The following ARHGEF9 variants were observed in gnomAD, a reference collection of about 807,000 sequenced individuals.
ARHGEF9 encodes Cdc42 guanine nucleotide exchange factor 9.
In ARHGEF9, 2 loss-of-function variants were observed where a neutral mutation model predicts 41.3. The observed-to-expected ratio is 0.05, with a 90% CI of 0.02 to 0.15. The LOEUF (loss-of-function observed/expected upper bound fraction) is 0.15. Among genes scored for constraint, ARHGEF9 ranks in the 10% least tolerant of loss-of-function variants. The pLI is 1.00. For missense variants in ARHGEF9, 225 were observed against 424.7 expected (o/e 0.53, Z 4.13); for synonymous variants, 160 against 154.4 (o/e 1.04, Z -0.27).
intron 8 of ARHGEF9, among the ~76,000 whole-genome samples, chrX:63,645,550 A>C (rs1234886753): frequency 8.9e-6 from 1 of 111,797 alleles, no homozygotes; most frequent in Non-Finnish European, 1.9e-5. Flanking sequence ...CCTACAAAGG[A>C]CATGAACTCA....
chrX:63,697,455 G>T, intron 3 of ARHGEF9, 151 bp from the exon 4 acceptor site: 1 of 520,482 alleles, frequency 1.9e-6, no homozygotes, highest in Admixed American at 3.5e-5. Flanking sequence ...GAGGTTTACA[G>T]AAGGAAGTCA....
At chrX:63,781,177 C>T (rs1206881449) in intron 1 of ARHGEF9, among the ~76,000 whole-genome samples, 4 of 110,911 alleles carry the variant, frequency 3.6e-5, no homozygotes, top group East Asian at 5.6e-4. Flanking sequence ...TTGTTTTCCT[C>T]GGTAATTGAA....
intron 6 of ARHGEF9, among the ~76,000 whole-genome samples, chrX:63,669,215 T>G (rs2049786667): frequency 9.0e-6 from 1 of 111,393 alleles, no homozygotes; most frequent in African/African-American, 3.3e-5. Context: ...ATAACACATC[T>G]CTTTGTCTTG....
intron 8 of ARHGEF9, among the ~76,000 whole-genome samples, chrX:63,646,125 A>G (rs1251245701): frequency 4.5e-5 from 5 of 111,422 alleles, no homozygotes; most frequent in African/African-American, 1.6e-4. Flanking sequence ...GATTCTGGAT[A>G]TTAGGCCTTT....
chrX:63,711,094 T>A (rs1299729634), intron 2 of ARHGEF9, among the ~76,000 whole-genome samples: 1 of 111,608 alleles, frequency 9.0e-6, no homozygotes, highest in Non-Finnish European at 1.9e-5. Context: ...TACATAGGAA[T>A]AAATTTAACA....
chrX:63,725,597 G>C (rs781822124), intron 1 of ARHGEF9: 1 of 101,181 alleles, frequency 9.9e-6, no homozygotes, highest in Admixed American at 1.1e-4. Flanking sequence ...CCAGCAAACA[G>C]ACATTCATGA....
intron 1 of ARHGEF9, among the ~76,000 whole-genome samples, chrX:63,765,396 T>A (rs1478048612): frequency 4.1e-4 from 45 of 109,364 alleles, no homozygotes; most frequent in Non-Finnish European, 8.2e-4. Flanking sequence ...ATAAAAAAAA[T>A]TAAAAAAAAA....
chrX:63,784,275 C>A (rs781885218), intron 1 of ARHGEF9, among the ~76,000 whole-genome samples: 1 of 112,431 alleles, frequency 8.9e-6, no homozygotes, highest in Non-Finnish European at 1.9e-5. Flanking sequence ...CTGCTCCTGG[C>A]TAAGTCAGAG....
At chrX:63,778,694 T>G (rs1260083476) in intron 1 of ARHGEF9, among the ~76,000 whole-genome samples, 2 of 112,507 alleles carry the variant, frequency 1.8e-5, no homozygotes, top group East Asian at 5.6e-4. Context: ...TTGAATGCTT[T>G]GCTGCTTTGA....
intron 3 of ARHGEF9, among the ~76,000 whole-genome samples, chrX:63,699,814 T>C (rs2052026655): frequency 1.8e-5 from 2 of 111,985 alleles, no homozygotes; most frequent in African/African-American, 6.5e-5. Context: ...ACATGGAAAA[T>C]TGTTTATGAT....
At chrX:63,646,831 T>A (rs1243879912) in intron 8 of ARHGEF9, among the ~76,000 whole-genome samples, 1 of 110,288 alleles carries the variant, frequency 9.1e-6, no homozygotes, top group African/African-American at 3.3e-5. Context: ...AGTATGGCCA[T>A]TTTCACAATA....
intron 1 of ARHGEF9, chrX:63,727,168 G>A (rs1445526039): frequency 8.9e-6 from 1 of 111,791 alleles, no homozygotes; most frequent in African/African-American, 3.3e-5. Flanking sequence ...GGGTCAAAGA[G>A]TATCTCAGTA....
chrX:63,762,854 T>C lies in ARHGEF9; in HGVS notation c.30+22262A>G, dbSNP rs1184254711. The stretch of plus-strand genomic sequence containing the variant: ...CAAGACCAACCCCTCCTCTTCCTTC[T>C]CCTCTTAAGCCCACTCAATGTGAAA... On this transcript the variant is annotated intron_variant, in intron 1 of 9. Coordinates refer to ENST00000671741, the MANE Select transcript of ARHGEF9 (RefSeq NM_001353921.2). 6.3e-5 allele frequency among the ~76,000 whole-genome samples: 7 copies of C among 111,757 alleles called. No individual in the cohort carries two copies. The Admixed American group carries it at 6.6e-4, about 11-fold the overall frequency.
intron 1 of ARHGEF9, among the ~76,000 whole-genome samples, chrX:63,749,254 C>T (rs7885083): frequency 0.069 from 7,631 of 110,554 alleles, 703 homozygotes; most frequent in African/African-American, 0.24. Flanking sequence ...TTTTTTGGGA[C>T]GGACTCTCGC....
intron 1 of ARHGEF9, among the ~76,000 whole-genome samples, chrX:63,759,127 A>T (rs1388753406): frequency 1.8e-5 from 2 of 111,370 alleles, no homozygotes; most frequent in Non-Finnish European, 3.8e-5. Flanking sequence ...TTGCTGGCAG[A>T]GTGGGAACCA....
intron 2 of ARHGEF9, among the ~76,000 whole-genome samples, chrX:63,722,353 A>T (rs782630903): frequency 9.0e-6 from 1 of 110,703 alleles, no homozygotes; most frequent in South Asian, 3.9e-4. Flanking sequence ...TTATTTTACT[A>T]GCCTGGAGGC....
chrX:63,768,896 T>C lies in ARHGEF9; in HGVS notation c.30+16220A>G, dbSNP rs560864606. On this transcript the variant is annotated intron_variant, in intron 1 of 9. Coordinates refer to ENST00000671741, the MANE Select transcript of ARHGEF9 (RefSeq NM_001353921.2). ...AACTGTAAGTCCAATTAAAACTCTTTCTTTTGTAAATTGCCCAGTTTCAGG... is the reference window on the plus strand; with the variant it reads ...AACTGTAAGTCCAATTAAAACTCTTCCTTTTGTAAATTGCCCAGTTTCAGG... Among the ~76,000 whole-genome samples the C allele has an allele frequency of 2.7e-5, 3 of 112,137 alleles. No individual in the cohort carries two copies. In the South Asian group the frequency reaches 1.1e-3, roughly 42 times the overall value.
intron 4 of ARHGEF9, among the ~76,000 whole-genome samples, chrX:63,696,800 G>T (rs1292250420): frequency 9.0e-6 from 1 of 111,617 alleles, no homozygotes; most frequent in Non-Finnish European, 1.9e-5. Context: ...TGCTTCTAAT[G>T]GTACTCCACC....
chrX:63,779,177 G>A (rs782216218), intron 1 of ARHGEF9, among the ~76,000 whole-genome samples: 59 of 111,543 alleles, frequency 5.3e-4, no homozygotes, highest in African/African-American at 1.5e-3. Context: ...CCCGTTACCC[G>A]GTTCCAAAGT....
Sources: allele counts gnomAD v4.1 joint callset (sites outside exome capture counted in the v4.1 genomes callset), GRCh38; gene constraint gnomAD v4.1.1; transcripts MANE v1.5; gene names NCBI Gene and HGNC (gene_info 2026-07-23, HGNC 2026-07-21).